GPM6B: variants seen among roughly 807,000 people sequenced by gnomAD.
The protein encoded by GPM6B is neuronal membrane glycoprotein M6-b.
A neutral mutation model predicts 27.2 loss-of-function variants in GPM6B; 4 were observed. That is an observed-to-expected ratio of 0.15 (90% CI 0.07 to 0.34). The LOEUF is 0.34. GPM6B is among the 10% of genes least tolerant of loss of function. The pLI is 1.00. For missense variants in GPM6B, 183 were observed against 261.9 expected (o/e 0.70, Z 2.08); for synonymous variants, 124 against 103.1 (o/e 1.20, Z -1.23).
At chrX:13,868,615 C>T (rs762575681) in intron 1 of GPM6B, among the ~76,000 whole-genome samples, 2 of 112,271 alleles carry the variant, frequency 1.8e-5, no homozygotes, top group African/African-American at 6.5e-5. Context: ...GGGATGGTTG[C>T]ATAAGAGTTT....
At chrX:13,798,699 C>T (rs2048861152) in intron 2 of GPM6B, among the ~76,000 whole-genome samples, 1 of 112,741 alleles carries the variant, frequency 8.9e-6, no homozygotes, top group African/African-American at 3.2e-5. Flanking sequence ...GACAAAGCTA[C>T]CCCATGGACT....
chrX:13,857,931 A>G (rs984982983), intron 1 of GPM6B, among the ~76,000 whole-genome samples: 26 of 112,609 alleles, frequency 2.3e-4, no homozygotes, highest in African/African-American at 8.1e-4. Flanking sequence ...TCATGATTTC[A>G]TTCATTCAGC....
intron 7 of GPM6B, among the ~76,000 whole-genome samples, chrX:13,775,343 C>T (rs949510803): frequency 1.8e-5 from 2 of 113,073 alleles, no homozygotes; most frequent in Non-Finnish European, 1.9e-5. Flanking sequence ...TTGAGTTGCC[C>T]GGTATGCACA....
chrX:13,779,444 A>C (rs1460669258), intron 5 of GPM6B, among the ~76,000 whole-genome samples: 1 of 112,401 alleles, frequency 8.9e-6, no homozygotes, highest in Non-Finnish European at 1.9e-5. Flanking sequence ...AATGTGTGCA[A>C]TATTATTTTG....
chrX:13,837,902 C>T (rs751748606), intron 1 of GPM6B, among the ~76,000 whole-genome samples: 99 of 110,803 alleles, frequency 8.9e-4, no homozygotes, highest in Non-Finnish European at 1.5e-3. Context: ...AACATCCTCT[C>T]TCTCGTCATT....
chrX:13,842,317 T>C (rs761061882), intron 1 of GPM6B, among the ~76,000 whole-genome samples: 35 of 112,267 alleles, frequency 3.1e-4, no homozygotes, highest in Non-Finnish European at 6.0e-4. Context: ...CAGAGTACCA[T>C]CTCTTTTAAG....
chrX:13,898,528 A>C (rs2050252949), intron 1 of GPM6B, among the ~76,000 whole-genome samples: 1 of 112,325 alleles, frequency 8.9e-6, no homozygotes, highest in Non-Finnish European at 1.9e-5. Context: ...TCTGCAATTT[A>C]ACAAGATTCA....
At chrX:13,826,427 G>T (rs1366228348) in intron 1 of GPM6B, among the ~76,000 whole-genome samples, 1 of 111,589 alleles carries the variant, frequency 9.0e-6, no homozygotes, top group African/African-American at 3.3e-5. Context: ...TTTCTGGCCG[G>T]GTACAGTGTG....
At chrX:13,833,800 A>C (rs966964959) in intron 1 of GPM6B, among the ~76,000 whole-genome samples, 10 of 112,401 alleles carry the variant, frequency 8.9e-5, no homozygotes, top group Non-Finnish European at 3.8e-5. Context: ...TCATACACTC[A>C]AGTGGAATCA....
intron 2 of GPM6B, 38 bp downstream of exon 2, chrX:13,807,612 T>A: frequency 9.5e-7 from 1 of 1,052,799 alleles, no homozygotes; most frequent in Non-Finnish European, 1.3e-6. Context: ...AGATAACAGT[T>A]GACTTGCTAT....
intron 2 of GPM6B, among the ~76,000 whole-genome samples, chrX:13,796,145 G>C (rs1369789349): frequency 9.0e-6 from 1 of 111,278 alleles, no homozygotes; most frequent in Non-Finnish European, 1.9e-5. Context: ...GGCTGGTCTC[G>C]AACTCCTGAC....
intron 1 of GPM6B, among the ~76,000 whole-genome samples, chrX:13,926,245 A>AAAAATAC (rs1215096248): frequency 9.5e-6 from 1 of 105,405 alleles, no homozygotes; most frequent in African/African-American, 3.5e-5. Context: ...CTACTAAAAA[A>AAAAATAC]AAAATACAAA....
intron 1 of GPM6B, among the ~76,000 whole-genome samples, chrX:13,926,132 G>A (rs1332408923): frequency 9.4e-6 from 1 of 106,741 alleles, no homozygotes; most frequent in Non-Finnish European, 1.9e-5. Context: ...AGCATAAAAC[G>A]CTGATTCCAA....
intron 1 of GPM6B, among the ~76,000 whole-genome samples, chrX:13,841,449 G>C (rs1449754003): frequency 8.9e-6 from 1 of 111,918 alleles, no homozygotes; most frequent in African/African-American, 3.3e-5. Flanking sequence ...TTAGAGTCTG[G>C]AGCAGTCATC....
intron 3 of GPM6B, among the ~76,000 whole-genome samples, chrX:13,784,910 G>A (rs1049376468): frequency 9.0e-6 from 1 of 111,667 alleles, no homozygotes; most frequent in Non-Finnish European, 1.9e-5. Context: ...CTTAGAGTTG[G>A]GGTCAGTCCT....
chrX:13,912,319 G>T (rs1454429688), intron 1 of GPM6B, among the ~76,000 whole-genome samples: 1 of 111,847 alleles, frequency 8.9e-6, no homozygotes, highest in Non-Finnish European at 1.9e-5. Context: ...AGTTCAGACA[G>T]CCAAGAGATG....
chrX:13,881,512 C>CA (rs955105493), intron 1 of GPM6B, among the ~76,000 whole-genome samples: 85 of 79,832 alleles, frequency 1.1e-3, no homozygotes, highest in South Asian at 2.5e-3. Context: ...ACCCTGTCAC[C>CA]AAAAAAAAAA....
intron 1 of GPM6B, among the ~76,000 whole-genome samples, chrX:13,828,993 G>T (rs1227114326): frequency 1.8e-5 from 2 of 111,415 alleles, no homozygotes; most frequent in African/African-American, 6.5e-5. Context: ...CCAAGAGTCA[G>T]GCAGCAATGA....
intron 1 of GPM6B, among the ~76,000 whole-genome samples, chrX:13,937,746 T>C (rs970697058): frequency 9.0e-6 from 1 of 111,213 alleles, no homozygotes; most frequent in Non-Finnish European, 1.9e-5. Context: ...ACAAAAAGAA[T>C]CCTACAGCCG....
Sources: allele counts gnomAD v4.1 joint callset (sites outside exome capture counted in the v4.1 genomes callset), GRCh38; gene constraint gnomAD v4.1.1; transcripts MANE v1.5; gene names NCBI Gene and HGNC (gene_info 2026-07-23, HGNC 2026-07-21).